The following RHEX variants were observed in gnomAD, a reference collection of about 807,000 sequenced individuals.
RHEX encodes the protein regulator of hemoglobinization and erythroid cell expansion protein.
A neutral mutation model predicts 20.1 loss-of-function variants in RHEX; 18 were observed. That is an observed-to-expected ratio of 0.90 (90% CI 0.62 to 1.33). The LOEUF (loss-of-function observed/expected upper bound fraction) is 1.33. Among genes scored for constraint, RHEX ranks in the 40% most tolerant of loss-of-function variants. The pLI, the probability that RHEX is intolerant of heterozygous loss-of-function variation, is 0.00. For synonymous variants in RHEX, 87 were observed against 77.1 expected, an observed-to-expected ratio of 1.13 and a Z score of -0.67; for missense variants, 192 against 214.3, an observed-to-expected ratio of 0.90 and a Z score of 0.65.
intron 4 of RHEX, 124 bp from the exon 5 acceptor site, chr1:206,101,012 T>G: frequency 1.5e-6 from 1 of 683,906 alleles, no homozygotes; most frequent in Non-Finnish European, 2.4e-6. Context: ...ACCCCCCCTT[T>G]TTGTTGCTGG....
intron 1 of RHEX, among the ~76,000 whole-genome samples, chr1:206,060,197 T>C (rs1553283173): frequency 6.6e-6 from 1 of 152,158 alleles, no homozygotes; most frequent in Admixed American, 6.5e-5. Flanking sequence ...TTCTTTACTG[T>C]ATAATAGGAA....
intron 1 of RHEX, among the ~76,000 whole-genome samples, chr1:206,082,984 A>G (rs1314748228): frequency 6.6e-6 from 1 of 152,206 alleles, no homozygotes; most frequent in Non-Finnish European, 1.5e-5. Flanking sequence ...GTTATCCCAC[A>G]AACTGTAACA....
At chr1:206,094,049 A>G (rs1174328553) in intron 1 of RHEX, among the ~76,000 whole-genome samples, 6 of 152,200 alleles carry the variant, frequency 3.9e-5, no homozygotes, top group Admixed American at 6.5e-5. Flanking sequence ...AATTCAGCAC[A>G]GTGGAAGAGG....
intron 1 of RHEX, among the ~76,000 whole-genome samples, chr1:206,064,642 C>G (rs1486266956): frequency 7.6e-4 from 63 of 83,056 alleles, no homozygotes; most frequent in Admixed American, 1.1e-3. Context: ...CGCCCCGTCC[C>G]GGGGGGAGGT....
At chr1:206,078,478 T>A (rs1351452111) in intron 1 of RHEX, among the ~76,000 whole-genome samples, 1 of 152,156 alleles carries the variant, frequency 6.6e-6, no homozygotes, top group Non-Finnish European at 1.5e-5. Context: ...GGAGGATGGC[T>A]TGAGCCCAGG....
At position 206,102,127 on chromosome 1, in the gene RHEX, G is replaced by C; in HGVS notation, c.*175G>C. 1 of 649,252 alleles carries C rather than the reference G, an allele frequency of 1.5e-6. No homozygotes were observed. The highest frequency in any genetic ancestry group is 1.8e-5 in the South Asian group (1 of 54,392). 40.2% of individuals were successfully genotyped at this position (649,252 alleles called of 1,614,324 possible). A position where few individuals can be genotyped will look rare whatever the true frequency, so the allele number is the denominator to read the frequency against. ...TACACAGAGGTCCTCAAGACCCATGGACTCCTGGTCTGTACCCAAAAAAGC... is the reference window on the plus strand; with the variant it reads ...TACACAGAGGTCCTCAAGACCCATGCACTCCTGGTCTGTACCCAAAAAAGC... On this transcript the variant is annotated 3_prime_UTR_variant, in exon 6 of 6. Coordinates refer to ENST00000331555, the MANE Select transcript of RHEX (RefSeq NM_001007544.4).
chr1:206,056,454 A>C (rs1662197249), intron 1 of RHEX: 2 of 152,284 alleles, frequency 1.3e-5, no homozygotes, highest in Admixed American at 1.3e-4. Context: ...ATATACATCA[A>C]GTCACTGAGG....
intron 1 of RHEX, among the ~76,000 whole-genome samples, chr1:206,075,859 C>A (rs1259828666): frequency 6.6e-6 from 1 of 152,272 alleles, no homozygotes. Flanking sequence ...GCCTCAGCCT[C>A]CCAAGTCCTA....
At chr1:206,078,598 G>A (rs1553285485) in intron 1 of RHEX, among the ~76,000 whole-genome samples, 1 of 152,008 alleles carries the variant, frequency 6.6e-6, no homozygotes, top group East Asian at 1.9e-4. Context: ...ATATAACAAA[G>A]CCTGATATTT....
intron 1 of RHEX, among the ~76,000 whole-genome samples, chr1:206,056,968 A>C (rs985030854): frequency 6.6e-6 from 1 of 152,238 alleles, no homozygotes; most frequent in East Asian, 1.9e-4. Context: ...GGGAGCTGCA[A>C]CCTTTTAGAA....
At chr1:206,084,441 A>C (rs1662797160) in intron 1 of RHEX, among the ~76,000 whole-genome samples, 1 of 152,214 alleles carries the variant, frequency 6.6e-6, no homozygotes, top group African/African-American at 2.4e-5. Context: ...CTTATTTTCC[A>C]GTTGAAGAAA....
At chr1:206,061,205 T>G (rs1348663326) in intron 1 of RHEX, 15 of 152,212 alleles carry the variant, frequency 9.9e-5, no homozygotes, top group Non-Finnish European at 5.9e-5. Flanking sequence ...TCCTGGGAAT[T>G]TAACTTAGTC....
intron 1 of RHEX, among the ~76,000 whole-genome samples, chr1:206,091,968 A>G (rs1553287081): frequency 6.6e-6 from 1 of 152,170 alleles, no homozygotes; most frequent in Admixed American, 6.5e-5. Flanking sequence ...TCATTTGTCA[A>G]ACCATTTGGA....
At chr1:206,093,642 C>G (rs143337605) in intron 1 of RHEX, among the ~76,000 whole-genome samples, 43 of 152,060 alleles carry the variant, frequency 2.8e-4, no homozygotes, top group Admixed American at 4.6e-4. Flanking sequence ...TAGAATAAAC[C>G]TATCCAAAGA....
At chr1:206,074,242 C>T (rs1553284967) in intron 1 of RHEX, among the ~76,000 whole-genome samples, 1 of 152,198 alleles carries the variant, frequency 6.6e-6, no homozygotes, top group Admixed American at 6.5e-5. Context: ...CATCACACCT[C>T]AGTGCAATTT....
rs1341333961 is a variant in RHEX, at chr1:206,056,381, A to C, written c.-97+3116A>C. On this transcript the variant is annotated intron_variant, in intron 1 of 5. Transcript: ENST00000331555. ...CTCATCGCGGGACTAATTTTCCTTA[A>C]AATTTAGACTTGCACAGTAAGGACT... The C allele has an allele frequency of 2.6e-5, 4 of 152,504 alleles. No individual in the cohort carries two copies. In the East Asian group the frequency reaches 7.7e-4, roughly 29 times the overall value. The allele number at this position is 152,504 out of a possible 1,614,324, so 9.4% of individuals were successfully genotyped here. A position where few individuals can be genotyped will look rare whatever the true frequency, so the allele number is the denominator to read the frequency against.
intron 1 of RHEX, among the ~76,000 whole-genome samples, chr1:206,079,703 G>A (rs1285313855): frequency 5.3e-5 from 8 of 152,120 alleles, no homozygotes; most frequent in African/African-American, 1.9e-4. Flanking sequence ...TTACAGGTGT[G>A]TGCTACCACG....
intron 1 of RHEX, among the ~76,000 whole-genome samples, chr1:206,054,289 G>GA (rs1297130131): frequency 1.4e-4 from 22 of 152,218 alleles, no homozygotes; most frequent in African/African-American, 4.8e-4. Context: ...AGTCGTGAAA[G>GA]AAAAAATGTT....
chr1:206,100,829 C>T (rs1012955656), intron 4 of RHEX, among the ~76,000 whole-genome samples: 1 of 152,220 alleles, frequency 6.6e-6, no homozygotes, highest in Non-Finnish European at 1.5e-5. Context: ...TTTCCAAGCA[C>T]AGTCAACCTA....
Sources: allele counts gnomAD v4.1 joint callset (sites outside exome capture counted in the v4.1 genomes callset), GRCh38; gene constraint gnomAD v4.1.1; transcripts MANE v1.5; gene names NCBI Gene and HGNC (gene_info 2026-07-23, HGNC 2026-07-21).